GPHN: variants seen among roughly 807,000 people sequenced by gnomAD.
The protein encoded by GPHN is gephyrin.
In GPHN, 17 loss-of-function variants were observed where a neutral mutation model predicts 95.5. That is an observed-to-expected ratio of 0.18 (90% CI 0.12 to 0.27). The LOEUF (loss-of-function observed/expected upper bound fraction) is 0.27, where lower values mean the gene tolerates loss of function less well. GPHN is among the 10% of genes least tolerant of loss of function. The probability of loss-of-function intolerance (pLI) is 1.00; values close to 1 mark genes in which losing one functional copy is unlikely to be tolerated. For missense variants in GPHN, 660 were observed against 978.1 expected (o/e 0.67, Z 4.34); for synonymous variants, 320 against 322.5 (o/e 0.99, Z 0.08).
At chr14:66,593,120 G>A (rs145232927) in intron 1 of GPHN, among the ~76,000 whole-genome samples, 13 of 152,226 alleles carry the variant, frequency 8.5e-5, no homozygotes, top group East Asian at 3.9e-4. Flanking sequence ...GACACAGGGC[G>A]TGGAATATCA....
At chr14:67,013,592 C>G (rs552890990) in intron 9 of GPHN, among the ~76,000 whole-genome samples, 1 of 151,998 alleles carries the variant, frequency 6.6e-6, no homozygotes, top group South Asian at 2.1e-4. Flanking sequence ...AGAAACTTTT[C>G]TACACACTTT....
the GPHN span, among the ~76,000 whole-genome samples, chr14:67,418,219 AACTT>A: frequency 1.3e-5 from 2 of 152,228 alleles, no homozygotes; most frequent in Non-Finnish European, 2.9e-5. Context: ...GAAGTTAAAT[AACTT>A]GGCCAACATT....
intron 4 of GPHN, among the ~76,000 whole-genome samples, chr14:66,845,193 C>T (rs1422327858): frequency 6.6e-6 from 1 of 152,056 alleles, no homozygotes; most frequent in African/African-American, 2.4e-5. Flanking sequence ...CATTGGCATG[C>T]AAGTATCTGT....
chr14:66,523,822 A>G (rs372770863), intron 1 of GPHN, among the ~76,000 whole-genome samples: 6 of 152,074 alleles, frequency 3.9e-5, no homozygotes, highest in Non-Finnish European at 7.4e-5. Flanking sequence ...AACCTGTACA[A>G]CTTTTGGGTA....
intron 17 of GPHN, among the ~76,000 whole-genome samples, chr14:67,123,448 G>A (rs1296331254): frequency 6.6e-6 from 1 of 152,218 alleles, no homozygotes; most frequent in Non-Finnish European, 1.5e-5. Flanking sequence ...GCCAAGGCGG[G>A]TGGATCACTT....
chr14:66,710,989 T>C (rs1851246854), intron 2 of GPHN, among the ~76,000 whole-genome samples: 1 of 152,202 alleles, frequency 6.6e-6, no homozygotes, highest in African/African-American at 2.4e-5. Context: ...ACTAGAATAG[T>C]TATCAAACTT....
At chr14:67,222,950 G>A in the GPHN span, among the ~76,000 whole-genome samples, 1 of 149,272 alleles carries the variant, frequency 6.7e-6, no homozygotes, top group South Asian at 2.1e-4. Context: ...AATCATTATA[G>A]AATAGGTTTT....
At chr14:67,316,555 A>G in the GPHN span, among the ~76,000 whole-genome samples, 4 of 152,196 alleles carry the variant, frequency 2.6e-5, no homozygotes, top group Non-Finnish European at 2.9e-5. Flanking sequence ...TAAATGCTCA[A>G]TGAAACCTTT....
the GPHN span, chr14:67,292,557 G>C: frequency 8.7e-6 from 14 of 1,613,066 alleles, no homozygotes. Flanking sequence ...AACATACTTT[G>C]GTAGATTCTC....
chr14:66,875,905 A>G (rs548531462), intron 4 of GPHN, among the ~76,000 whole-genome samples: 1 of 152,290 alleles, frequency 6.6e-6, no homozygotes, highest in African/African-American at 2.4e-5. Context: ...AAGCAGACCT[A>G]ATAGACATCT....
the GPHN span, chr14:67,200,216 TG>T: frequency 9.2e-7 from 1 of 1,085,224 alleles, no homozygotes; most frequent in Non-Finnish European, 1.3e-6. Context: ...ATGGATACAC[TG>T]GCCCTCCACA....
At chr14:66,543,177 A>G (rs1312740768) in intron 1 of GPHN, among the ~76,000 whole-genome samples, 1 of 152,110 alleles carries the variant, frequency 6.6e-6, no homozygotes. Context: ...ACCCCCTACC[A>G]GGCCCCACCC....
chr14:67,387,635 G>T, the GPHN span, among the ~76,000 whole-genome samples: 1 of 152,208 alleles, frequency 6.6e-6, no homozygotes, highest in African/African-American at 2.4e-5. Flanking sequence ...CCCATTCCCT[G>T]TCCCTCACCA....
At chr14:67,618,879 G>A in the GPHN span, among the ~76,000 whole-genome samples, 1 of 152,206 alleles carries the variant, frequency 6.6e-6, no homozygotes, top group African/African-American at 2.4e-5. Context: ...GAGTTATGGT[G>A]TTGCCATGGA....
chr14:66,920,516 T>A (rs368574289), intron 6 of GPHN, among the ~76,000 whole-genome samples: 1 of 151,970 alleles, frequency 6.6e-6, no homozygotes, highest in East Asian at 1.9e-4. Flanking sequence ...TTTACTTTTT[T>A]TAAAATGCAG....
At chr14:66,571,374 G>T (rs1423950277) in intron 1 of GPHN, among the ~76,000 whole-genome samples, 3 of 152,040 alleles carry the variant, frequency 2.0e-5, no homozygotes, top group Non-Finnish European at 4.4e-5. Context: ...ATGAGATTTG[G>T]GTGGGGACAC....
the GPHN span, chr14:67,722,626 C>G: frequency 3.7e-6 from 6 of 1,612,326 alleles, no homozygotes; most frequent in Non-Finnish European, 5.1e-6. Context: ...GCAACAGCAG[C>G]TACAGAAGTT....
chr14:66,840,052 G>C (rs1009213580), intron 4 of GPHN, among the ~76,000 whole-genome samples: 1 of 152,084 alleles, frequency 6.6e-6, no homozygotes, highest in Non-Finnish European at 1.5e-5. Context: ...GTCAAGGTGG[G>C]CAGATCACCT....
At chr14:66,675,409 G>A (rs2153388407) in intron 1 of GPHN, among the ~76,000 whole-genome samples, 1 of 152,194 alleles carries the variant, frequency 6.6e-6, no homozygotes, top group East Asian at 1.9e-4. Flanking sequence ...CTCCCAAAGT[G>A]CTGGGATGAC....
Sources: gnomAD v4.1 joint callset for allele counts (sites outside exome capture counted in the v4.1 genomes callset) on GRCh38, gnomAD v4.1.1 for gene constraint, MANE v1.5 for transcripts, NCBI Gene and HGNC (gene_info 2026-07-23, HGNC 2026-07-21) for gene names.